The following OGA variants were observed in gnomAD, a reference collection of about 807,000 sequenced individuals.
The protein encoded by OGA is O-GlcNAcase.
A neutral mutation model predicts 102.0 loss-of-function variants in OGA; 21 were observed. That is an observed-to-expected ratio of 0.21 (90% confidence interval 0.15 to 0.30). The LOEUF (loss-of-function observed/expected upper bound fraction) is 0.30. Ranked by LOEUF, OGA falls within the 10% of genes least tolerant of loss-of-function variation. The pLI is 1.00. For missense variants in OGA, 765 were observed against 1,107.8 expected (o/e 0.69, Z 4.39); for synonymous variants, 408 against 378.2 (o/e 1.08, Z -0.91).
chr10:101,796,622 G>A lies in OGA; in HGVS notation c.1984+1358C>T, dbSNP rs192757031. Among the ~76,000 whole-genome samples the A allele has an allele frequency of 3.3e-5, 5 of 152,084 alleles. No individual in the cohort carries two copies. The East Asian group carries it at 9.6e-4, about 29-fold the overall frequency. On this transcript the variant is annotated intron_variant, in intron 10 of 15. Transcript: ENST00000361464. The stretch of plus-strand genomic sequence containing the variant: ...GTCTCCCTCTATCGCCCAGGCTGGA[G>A]TGCAATGGTGTGATCTCAGCTCACT...
chr10:101,799,734 GTTT>G (rs1208771208), intron 8 of OGA, among the ~76,000 whole-genome samples: 2 of 152,128 alleles, frequency 1.3e-5, no homozygotes, highest in African/African-American at 4.8e-5. Context: ...CAAAAAATAT[GTTT>G]TTAAGAGAAA....
intron 7 of OGA, among the ~76,000 whole-genome samples, chr10:101,801,285 G>A (rs1029535958): frequency 5.9e-5 from 9 of 151,776 alleles, no homozygotes; most frequent in Admixed American, 6.6e-5. Flanking sequence ...CCAGCTACTC[G>A]GGAGGCTGAG....
intron 5 of OGA, among the ~76,000 whole-genome samples, chr10:101,806,364 G>A (rs1299957540): frequency 1.3e-5 from 2 of 152,108 alleles, no homozygotes; most frequent in Non-Finnish European, 2.9e-5. Flanking sequence ...CGCCACGCCC[G>A]GCTAATTTTT....
intron 3 of OGA, 191 bp downstream of exon 3, chr10:101,812,839 C>T (rs1380369731): frequency 3.0e-6 from 2 of 658,978 alleles, no homozygotes; most frequent in Non-Finnish European, 5.6e-6. Context: ...TGATATCACA[C>T]ATATGGTCAT....
chr10:101,794,266 G>A (rs1466506653), intron 10 of OGA, among the ~76,000 whole-genome samples: 1 of 152,108 alleles, frequency 6.6e-6, no homozygotes, highest in Admixed American at 6.5e-5. Context: ...GTTTGTCTGA[G>A]TCAACTTTAT....
At chr10:101,793,689 G>A (rs1348259690) in intron 11 of OGA, 1 of 457,070 alleles carries the variant, frequency 2.2e-6, no homozygotes, top group Middle Eastern at 6.6e-4. Flanking sequence ...TGTATACCTA[G>A]AGCCGCTGCG....
At chr10:101,811,016 C>G (rs550684969) in intron 3 of OGA, among the ~76,000 whole-genome samples, 1 of 151,590 alleles carries the variant, frequency 6.6e-6, no homozygotes, top group Admixed American at 6.6e-5. Context: ...GTTTTGCCAT[C>G]TCTGAACAGC....
chr10:101,787,385 G>A lies in OGA; in HGVS notation c.2593C>T (p.Leu865=), dbSNP rs778753328. ...SVAKSMMACL[L]SSLKANGSRG... Reference sequence around the variant, plus strand: ...TCACCATTAGCCTTCAGTGAAGACAGGAGGCAAGCCATCATGCTTTTGGCC... The same window carrying A: ...TCACCATTAGCCTTCAGTGAAGACAAGAGGCAAGCCATCATGCTTTTGGCC... The change falls in exon 15 of 16, where the codon CTG becomes TTG. Residue 865 remains leucine (L), a synonymous_variant. Coordinates refer to ENST00000361464, the MANE Select transcript of OGA (RefSeq NM_012215.5). 1.2e-6 allele frequency: 2 copies of A among 1,613,374 alleles called. No homozygotes were observed. Among genetic ancestry groups the A allele is most frequent in the Non-Finnish European group, 1.7e-6 (2 of 1,179,450 alleles).
intron 2 of OGA, 76 bp from the exon 3 acceptor site, chr10:101,813,203 G>A: frequency 1.1e-6 from 1 of 936,276 alleles, no homozygotes; most frequent in South Asian, 1.5e-5. Context: ...CCCTCTTCTT[G>A]GAGCATCTCC....
Position 101,807,906 on chromosome 10 carries a change from G to GA in OGA, c.481-6dup. The stretch of plus-strand genomic sequence containing the variant: ...TCTGCACCCAAACTGAGAAACCTAG[G>GA]AGAAAAAAAAAAAAAAGAATCAAGA... On this transcript the variant is annotated splice_polypyrimidine_tract_variant and splice_region_variant and intron_variant, in intron 4 of 15. Transcript: ENST00000361464. 2 of 1,429,916 alleles carry GA rather than the reference G, an allele frequency of 1.4e-6. No individual in the cohort carries two copies. The highest frequency in any genetic ancestry group is 3.2e-5 in the South Asian group (2 of 63,182). The allele number at this position is 1,429,916 out of a possible 1,614,324, so 88.6% of individuals were successfully genotyped here.
intron 6 of OGA, among the ~76,000 whole-genome samples, chr10:101,804,431 C>A (rs928609777): frequency 2.0e-5 from 3 of 151,284 alleles, no homozygotes; most frequent in African/African-American, 7.3e-5. Context: ...CTCCACCACG[C>A]CTGGCTAATT....
chr10:101,808,717 C>T lies in OGA; in HGVS notation c.481-816G>A, dbSNP rs562059796. Among the ~76,000 whole-genome samples, 9 of 152,232 alleles carry T rather than the reference C, an allele frequency of 5.9e-5. No individual in the cohort carries two copies. The South Asian group carries it at 1.9e-3, about 32-fold the overall frequency. On this transcript the variant is annotated intron_variant, in intron 4 of 15. Coordinates refer to ENST00000361464, the MANE Select transcript of OGA (RefSeq NM_012215.5). ...GGGCGCAGTGGCTCACACTTGTAAT[C>T]CCAGCACTTTGGGAGGCCGAGGCGG...
rs1229920375 is a variant in OGA at position 101,785,069 on chromosome 10, C to CCT, written c.*1380_*1381dup. ...AAACTTAAGTTTCTTTCTCTTTACC[C>CCT]CTCTCCCCTCACTCAGCTCAAAGTT... is the stretch of plus-strand genomic sequence containing the variant. On this transcript the variant is annotated 3_prime_UTR_variant, in exon 16 of 16. Coordinates refer to ENST00000361464, the MANE Select transcript of OGA (RefSeq NM_012215.5). The CCT allele has an allele frequency of 6.6e-6, 1 of 152,100 alleles. No individual in the cohort carries two copies. The highest frequency in any genetic ancestry group is 2.4e-5 in the African/African-American group (1 of 41,382). 9.4% of individuals were successfully genotyped at this position (152,100 alleles called of 1,614,324 possible). A position where few individuals can be genotyped will look rare whatever the true frequency, so the allele number is the denominator to read the frequency against.
In OGA at chr10:101,814,276, C is replaced by T. The variant is rs568260775; in HGVS notation, c.200-670G>A. Among the ~76,000 whole-genome samples, 15 of 152,084 alleles carry T rather than the reference C, an allele frequency of 9.9e-5. 1 individual carries two copies. The highest frequency in any genetic ancestry group is 7.7e-4 in the East Asian group (4 of 5,180). On this transcript the variant is annotated intron_variant, in intron 1 of 15. Transcript: ENST00000361464. ...CCTGGGAGACGGACTTGCAGTGAGCCGAGACTGCGTCACTGCACTACAGCC... is the reference window on the plus strand; with the variant it reads ...CCTGGGAGACGGACTTGCAGTGAGCTGAGACTGCGTCACTGCACTACAGCC...
In OGA at chr10:101,785,846, C is replaced by G. The variant is rs2065186010; in HGVS notation, c.*605G>C. 1 of 152,238 alleles carries G rather than the reference C, an allele frequency of 6.6e-6. No individual in the cohort carries two copies. The highest frequency in any genetic ancestry group is 2.4e-5 in the African/African-American group (1 of 41,436). The allele number at this position is 152,238 out of a possible 1,614,324, so 9.4% of individuals were successfully genotyped here. A position where few individuals can be genotyped will look rare whatever the true frequency, so the allele number is the denominator to read the frequency against. ...GCCACAAACAAATGCACATTTGTCC[C>G]TACAAAGTACAACATGCCTGAACCA... On this transcript the variant is annotated 3_prime_UTR_variant, in exon 16 of 16. Coordinates refer to ENST00000361464, the MANE Select transcript of OGA (RefSeq NM_012215.5).
intron 1 of OGA, among the ~76,000 whole-genome samples, chr10:101,814,871 A>C (rs1259842407): frequency 6.6e-6 from 1 of 152,214 alleles, no homozygotes; most frequent in Admixed American, 6.5e-5. Flanking sequence ...TCGCAGACCG[A>C]TAACCTAAAT....
intron 2 of OGA, 120 bp from the exon 3 acceptor site, chr10:101,813,247 C>T (rs969055322): frequency 1.9e-5 from 13 of 695,490 alleles, no homozygotes; most frequent in Admixed American, 8.4e-5. Flanking sequence ...ATGACAGTAG[C>T]TTTTAACCTT....
At chr10:101,812,967 C>T in intron 3 of OGA, 63 bp downstream of exon 3, 2 of 1,236,014 alleles carry the variant, frequency 1.6e-6, no homozygotes, top group South Asian at 1.2e-5. Context: ...TGTACAACTA[C>T]ATTTAAAATA....
chr10:101,812,518 A>G (rs754953900), intron 3 of OGA, among the ~76,000 whole-genome samples: 1 of 152,266 alleles, frequency 6.6e-6, no homozygotes, highest in African/African-American at 2.4e-5. Flanking sequence ...AAGCCATACT[A>G]GAGCCTGAAG....
Sources: gnomAD v4.1 joint callset for allele counts (sites outside exome capture counted in the v4.1 genomes callset) on GRCh38, gnomAD v4.1.1 for gene constraint, MANE v1.5 for transcripts, NCBI Gene and HGNC (gene_info 2026-07-23, HGNC 2026-07-21) for gene names.